Variants in EIF5B observed in about 807,000 individuals in gnomAD.
EIF5B encodes the protein eukaryotic translation initiation factor 5B.
In EIF5B, 47 loss-of-function variants were observed where a neutral mutation model predicts 147.5. The observed-to-expected ratio is 0.32, with a 90% CI of 0.25 to 0.41. The LOEUF is 0.41. Ranked by LOEUF, EIF5B falls within the 10% of genes least tolerant of loss-of-function variation. The pLI, the probability that EIF5B is intolerant of heterozygous loss-of-function variation, is 1.00. For missense variants in EIF5B, 1,064 were observed against 1,413.2 expected (o/e 0.75, Z 3.96); for synonymous variants, 455 against 456.2 (o/e 1.00, Z 0.03).
intron 17 of EIF5B, among the ~76,000 whole-genome samples, chr2:99,391,059 AT>A (rs1674918808): frequency 6.6e-6 from 1 of 152,178 alleles, no homozygotes; most frequent in East Asian, 1.9e-4. Context: ...TTAACTCCTA[AT>A]AGCCTACCAT....
At position 99,363,771 on chromosome 2, in the gene EIF5B, C is replaced by G. The variant is rs1162509107; in HGVS notation, c.1046C>G (p.Ala349Gly). ...GTTAAAGCTATGCAAGAAGCTCTGGCTAAGCTTAAAGAGGAAGAAGAAAGA... is the reference window on the plus strand; with the variant it reads ...GTTAAAGCTATGCAAGAAGCTCTGGGTAAGCTTAAAGAGGAAGAAGAAAGA... ...ATVKAMQEAL[A>G]KLKEEEERQK... is the part of the protein sequence containing the mutation. The change falls in exon 5 of 24, where the codon GCT (alanine) becomes GGT (glycine). Residue 349 changes from alanine to glycine, a missense_variant. By Grantham distance (60) the Ala-to-Gly change is moderately conservative. Coordinates refer to ENST00000289371, the MANE Select transcript of EIF5B (RefSeq NM_015904.4). 1.9e-6 allele frequency: 3 copies of G among 1,613,718 alleles called. No homozygotes were observed. The African/African-American group carries it at 4.0e-5, about 22-fold the overall frequency.
rs1441219889 is a variant in EIF5B, at chr2:99,399,794, TTG to T, written c.*383_*384del. Reference sequence around the variant, plus strand: ...TTGATTAACCAAGCTTCTGCAGATTTTGTGATTCTTGGGACTTTTTTGACGTA... The same window carrying T: ...TTGATTAACCAAGCTTCTGCAGATTTTGATTCTTGGGACTTTTTTGACGTA... On this transcript the variant is annotated 3_prime_UTR_variant, in exon 24 of 24. Transcript: ENST00000289371. 6.3e-6 allele frequency: 1 copy of T among 157,772 alleles called. No homozygotes were observed. The highest frequency in any genetic ancestry group is 1.4e-5 in the Non-Finnish European group (1 of 71,240). 9.8% of individuals were successfully genotyped at this position (157,772 alleles called of 1,614,324 possible).
chr2:99,384,089 C>T (rs1032874049), intron 14 of EIF5B, among the ~76,000 whole-genome samples: 1 of 148,550 alleles, frequency 6.7e-6, no homozygotes, highest in Non-Finnish European at 1.5e-5. Context: ...CCCAGCTACT[C>T]GGGAGGCTGA....
intron 21 of EIF5B, among the ~76,000 whole-genome samples, chr2:99,395,334 C>G (rs1559261704): frequency 6.6e-6 from 1 of 152,192 alleles, no homozygotes; most frequent in East Asian, 1.9e-4. Context: ...AGGCCAGCCT[C>G]CCTCCTCCTT....
intron 17 of EIF5B, among the ~76,000 whole-genome samples, chr2:99,391,718 T>C (rs1244383507): frequency 6.6e-6 from 1 of 151,948 alleles, no homozygotes; most frequent in Non-Finnish European, 1.5e-5. Flanking sequence ...TGTGTACTTT[T>C]ATAGCTGGCT....
At position 99,369,403 on chromosome 2, in the gene EIF5B, A is replaced by G. The variant is rs147438767; in HGVS notation, c.1399A>G (p.Met467Val). ...QLESKEVSES[M>V]ELCAAVEVME... Reference sequence around the variant, plus strand: ...TGCCCCTTTTTCAGTGTCTGAATCAATGGAATTATGTGCTGCTGTAGAAGT... The same window carrying G: ...TGCCCCTTTTTCAGTGTCTGAATCAGTGGAATTATGTGCTGCTGTAGAAGT... The change falls in exon 8 of 24, where the codon ATG (methionine) becomes GTG (valine). Residue 467 changes from methionine to valine, a missense_variant. Physicochemically the swap from Met to Val is conservative, Grantham distance 21. Transcript: ENST00000289371. 344 of 1,610,188 alleles carry G rather than the reference A, an allele frequency of 2.1e-4. No individual in the cohort carries two copies. In the African/African-American group the frequency reaches 4.0e-3, roughly 19 times the overall value.
At chr2:99,361,885 G>A (rs1674222594) in intron 4 of EIF5B, 65 bp downstream of exon 4, 1 of 1,408,456 alleles carries the variant, frequency 7.1e-7, no homozygotes. Flanking sequence ...TGTAATCATT[G>A]TGCCCCAAGG....
At chr2:99,360,140 C>G in intron 1 of EIF5B, 96 bp from the exon 2 acceptor site, 5 of 1,387,992 alleles carry the variant, frequency 3.6e-6, no homozygotes, top group Non-Finnish European at 4.8e-6. Context: ...CATTGTGCTG[C>G]TAATGCATGA....
intron 22 of EIF5B, chr2:99,398,003 A>T (rs1362753871): frequency 1.3e-5 from 2 of 151,462 alleles, no homozygotes; most frequent in Non-Finnish European, 2.9e-5. Flanking sequence ...GGTCAGTAGG[A>T]GCTCAACTGG....
intron 6 of EIF5B, among the ~76,000 whole-genome samples, chr2:99,364,817 A>G (rs1674294406): frequency 6.6e-6 from 1 of 152,202 alleles, no homozygotes; most frequent in South Asian, 2.1e-4. Flanking sequence ...AAAGAAATAC[A>G]GTGATTCCCA....
chr2:99,390,825 C>A, intron 17 of EIF5B, 120 bp downstream of exon 17: 1 of 1,082,232 alleles, frequency 9.2e-7, no homozygotes, highest in Non-Finnish European at 1.3e-6. Flanking sequence ...ACATCCCTCG[C>A]TCTCCCTTTT....
At chr2:99,338,546 T>C (rs140978825) in intron 1 of EIF5B, among the ~76,000 whole-genome samples, 1 of 152,374 alleles carries the variant, frequency 6.6e-6, no homozygotes, top group African/African-American at 2.4e-5. Flanking sequence ...ATAAGTTTAC[T>C]AATTATAAAT....
At position 99,394,708 on chromosome 2, in the gene EIF5B, T is replaced by C; in HGVS notation, c.3090-11T>C. The C allele has an allele frequency of 6.2e-7, 1 of 1,611,210 alleles. No individual in the cohort carries two copies. The highest frequency in any genetic ancestry group is 1.1e-5 in the South Asian group (1 of 90,418). ...TCACTGAATGGTCTTTGATGTGTTT[T>C]AACCTTTTAGGTATGCAGTAATTTT... On this transcript the variant is annotated splice_polypyrimidine_tract_variant and intron_variant, in intron 20 of 23. Coordinates refer to ENST00000289371, the MANE Select transcript of EIF5B (RefSeq NM_015904.4).
intron 1 of EIF5B, among the ~76,000 whole-genome samples, chr2:99,346,848 G>C (rs1286593909): frequency 1.3e-5 from 2 of 151,784 alleles, no homozygotes; most frequent in Admixed American, 6.6e-5. Flanking sequence ...GGGATTACAG[G>C]TGTGAGCCAC....
chr2:99,376,413 A>G lies in EIF5B; in HGVS notation c.1619A>G (p.Glu540Gly). 2 of 1,564,560 alleles carry G rather than the reference A, an allele frequency of 1.3e-6. No homozygotes were observed. Among genetic ancestry groups the G allele is most frequent in the South Asian group, 1.1e-5 (1 of 88,348 alleles). ...GAAGAGGAGGAGGAGGAGGAAGAAG[A>G]GGAAGAAGAAGATGAAGAAAGTGAA... ...NPEEEEEEEE[E>G]EEEDEESEEE... The change falls in exon 10 of 24, where the codon GAG (glutamate) becomes GGG (glycine). Residue 540 changes from glutamate (E) to glycine (G), a missense_variant. Coordinates refer to ENST00000289371, the MANE Select transcript of EIF5B (RefSeq NM_015904.4).
intron 17 of EIF5B, among the ~76,000 whole-genome samples, chr2:99,392,055 A>AG (rs1299593151): frequency 1.3e-5 from 2 of 151,962 alleles, no homozygotes; most frequent in African/African-American, 4.8e-5. Context: ...AAAAAAAAAA[A>AG]GTATATAATT....
intron 6 of EIF5B, among the ~76,000 whole-genome samples, chr2:99,366,273 A>G (rs1674326945): frequency 6.6e-6 from 1 of 152,234 alleles, no homozygotes; most frequent in African/African-American, 2.4e-5. Context: ...AGACTAGAGC[A>G]GTAGTCAGTT....
intron 12 of EIF5B, among the ~76,000 whole-genome samples, chr2:99,381,670 G>A (rs535169473): frequency 1.3e-5 from 2 of 151,992 alleles, no homozygotes; most frequent in African/African-American, 4.8e-5. Context: ...CATTTATGAC[G>A]TTATTTGAAT....
intron 1 of EIF5B, among the ~76,000 whole-genome samples, chr2:99,347,417 T>A (rs1253652004): frequency 6.6e-6 from 1 of 152,224 alleles, no homozygotes; most frequent in Non-Finnish European, 1.5e-5. Context: ...TCAGGGCTTC[T>A]CAAACTTTGT....
Sources: gnomAD v4.1 joint callset for allele counts (sites outside exome capture counted in the v4.1 genomes callset) on GRCh38, gnomAD v4.1.1 for gene constraint, MANE v1.5 for transcripts, NCBI Gene and HGNC (gene_info 2026-07-23, HGNC 2026-07-21) for gene names.